ARHGAP20: variants seen among roughly 807,000 people sequenced by gnomAD.
ARHGAP20 encodes rho GTPase-activating protein 20.
A neutral mutation model predicts 73.7 loss-of-function variants in ARHGAP20; 34 were observed. The observed-to-expected ratio is 0.46, with a 90% CI of 0.35 to 0.61. The LOEUF (loss-of-function observed/expected upper bound fraction) is 0.61. Among genes scored for constraint, ARHGAP20 ranks in the 20% least tolerant of loss-of-function variants. The pLI is 0.00. For synonymous variants in ARHGAP20, 523 were observed against 518.2 expected (o/e 1.01, Z -0.13); for missense variants, 1,314 against 1,420.9 (o/e 0.92, Z 1.21).
chr11:110,625,012 TTTTTTTTATTTTTA>T (rs781124726), intron 3 of ARHGAP20, among the ~76,000 whole-genome samples: 1,794 of 135,254 alleles, frequency 0.013, 31 homozygotes, highest in African/African-American at 0.042. Context: ...AGGATTTATT[TTTTTTTTATTTTTA>T]TTTTTATTTT....
Position 110,579,093 on chromosome 11 carries a change from C to G in ARHGAP20, c.*277G>C. On this transcript the variant is annotated 3_prime_UTR_variant, in exon 15 of 15. Transcript: ENST00000683387. The stretch of plus-strand genomic sequence containing the variant: ...GTGCTTCCTCTGCAGAAGATGCTTT[C>G]TCTAGCCCTCTGTTAGTATCTCTAA... 9.4e-7 allele frequency: 1 copy of G among 1,062,824 alleles called. No homozygotes were observed. Among genetic ancestry groups the G allele is most frequent in the Non-Finnish European group, 1.1e-6 (1 of 876,748 alleles). The allele number at this position is 1,062,824 out of a possible 1,614,324, so 65.8% of individuals were successfully genotyped here.
chr11:110,687,118 A>G (rs1179908417), intron 2 of ARHGAP20, among the ~76,000 whole-genome samples: 7 of 149,566 alleles, frequency 4.7e-5, no homozygotes, highest in African/African-American at 1.7e-4. Context: ...ATATTTTAAG[A>G]CAGGGTCTGA....
intron 3 of ARHGAP20, among the ~76,000 whole-genome samples, chr11:110,625,037 T>TA (rs1417597586): frequency 1.5e-5 from 2 of 137,738 alleles, no homozygotes; most frequent in Non-Finnish European, 3.1e-5. Context: ...TTTTTATTTT[T>TA]TTTTTTTTTT....
At chr11:110,686,648 A>ATTC in intron 2 of ARHGAP20, among the ~76,000 whole-genome samples, 1 of 152,158 alleles carries the variant, frequency 6.6e-6, no homozygotes, top group African/African-American at 2.4e-5. Context: ...AATCCTATAG[A>ATTC]TAACAGTATT....
intron 9 of ARHGAP20, among the ~76,000 whole-genome samples, chr11:110,592,733 C>T (rs749503924): frequency 8.6e-5 from 13 of 152,040 alleles, no homozygotes; most frequent in South Asian, 2.1e-4. Flanking sequence ...TTAAGATGTT[C>T]GTTAGAAATA....
chr11:110,593,292 G>C (rs1229667289), intron 9 of ARHGAP20, among the ~76,000 whole-genome samples: 1 of 152,194 alleles, frequency 6.6e-6, no homozygotes, highest in East Asian at 1.9e-4. Flanking sequence ...GGTGTCATTT[G>C]TGTCTAATTT....
At chr11:110,659,731 A>T (rs1949556324) in intron 2 of ARHGAP20, among the ~76,000 whole-genome samples, 1 of 152,136 alleles carries the variant, frequency 6.6e-6, no homozygotes, top group Non-Finnish European at 1.5e-5. Flanking sequence ...GCCATAAAAA[A>T]TGATGAGTTC....
chr11:110,645,889 TCTTA>T (rs778541292), intron 2 of ARHGAP20, among the ~76,000 whole-genome samples: 3 of 152,102 alleles, frequency 2.0e-5, no homozygotes, highest in Non-Finnish European at 4.4e-5. Flanking sequence ...TACTCCACAT[TCTTA>T]CTTACAAGTG....
chr11:110,682,781 T>A (rs576383096), intron 2 of ARHGAP20, among the ~76,000 whole-genome samples: 1 of 152,258 alleles, frequency 6.6e-6, no homozygotes, highest in East Asian at 1.9e-4. Flanking sequence ...ATTCTAAGCA[T>A]TTTTACTTAT....
chr11:110,583,720 G>A lies in ARHGAP20; in HGVS notation c.1433C>T (p.Pro478Leu). The A allele has an allele frequency of 2.5e-6, 4 of 1,581,970 alleles. No homozygotes were observed. The highest frequency in any genetic ancestry group is 3.5e-6 in the Non-Finnish European group (4 of 1,159,068). ...NTVQRLLDQL[P>L]RANVVLLRYL... ...CCTTAGGAGAACAACATTGGCTCTC[G>A]GAAGCTGGTCTAATAGCCTAAAGAC... Residue 478 changes from proline (P) to leucine (L), a missense_variant, in exon 13 of 15, where the codon CCG (proline) becomes CTG (leucine). By Grantham distance (98) the Pro-to-Leu change is moderately conservative. Coordinates refer to ENST00000683387, the MANE Select transcript of ARHGAP20 (RefSeq NM_001384657.1).
At position 110,643,645 on chromosome 11, in the gene ARHGAP20, T is replaced by A. The variant is rs185554305; in HGVS notation, c.189-12853A>T. 1.1e-4 allele frequency among the ~76,000 whole-genome samples: 16 copies of A among 148,058 alleles called. No homozygotes were observed. The East Asian group carries it at 2.9e-3, about 27-fold the overall frequency. On this transcript the variant is annotated intron_variant, in intron 2 of 14. Transcript: ENST00000683387. Reference sequence around the variant, plus strand: ...GGTCTAAGAGTATGCTTTGTATGATTTTTTTTTAGTTGATTGAGATTTGCT... The same window carrying A: ...GGTCTAAGAGTATGCTTTGTATGATATTTTTTTAGTTGATTGAGATTTGCT...
chr11:110,617,040 A>G (rs958915839), intron 4 of ARHGAP20, among the ~76,000 whole-genome samples: 5 of 152,184 alleles, frequency 3.3e-5, no homozygotes, highest in Admixed American at 2.6e-4. Flanking sequence ...GAAATAGAAA[A>G]TCACCTTGGA....
intron 9 of ARHGAP20, among the ~76,000 whole-genome samples, chr11:110,603,628 G>A (rs973287895): frequency 6.6e-6 from 1 of 152,132 alleles, no homozygotes; most frequent in African/African-American, 2.4e-5. Context: ...CTCGATGCAA[G>A]AGCAAAGGCG....
Position 110,654,258 on chromosome 11 carries a change from C to T in ARHGAP20, c.189-23466G>A, listed in dbSNP as rs377637261. ...TCAAAAATATTTGCTGAACTGAAGT[C>T]CAAACTGAACTGAAGGAAATCAAGA... On this transcript the variant is annotated intron_variant, in intron 2 of 14. Coordinates refer to ENST00000683387, the MANE Select transcript of ARHGAP20 (RefSeq NM_001384657.1). Among the ~76,000 whole-genome samples, 28 of 152,188 alleles carry T rather than the reference C, an allele frequency of 1.8e-4. No individual in the cohort carries two copies. The South Asian group carries it at 5.8e-3, about 32-fold the overall frequency.
chr11:110,711,627 A>G (rs763756743), intron 1 of ARHGAP20: 394 of 1,485,998 alleles, frequency 2.7e-4, no homozygotes, highest in Non-Finnish European at 3.1e-4. Context: ...GAGGGGGCCG[A>G]GCCCACCAGC....
chr11:110,606,659 T>C lies in ARHGAP20; in HGVS notation c.866A>G (p.Asn289Ser), dbSNP rs1373279720. The change falls in exon 9 of 15, where the codon AAC becomes AGC. Residue 289 changes from asparagine (N) to serine (S), a missense_variant. Around this residue, in one of 3 missense-constraint regions of ARHGAP20, gnomAD observed 443 missense variants for 466.4 expected, o/e 0.95. Transcript: ENST00000683387. The stretch of plus-strand genomic sequence containing the variant: ...TTCCATAAGGAAGGGCTCCTGGAGG[T>C]TGAAAGGGGTGGTAGAGTCCTTTGA... ...PGSKDSTTPF[N>S]LQEPFLMEQL... The C allele has an allele frequency of 6.2e-7, 1 of 1,609,972 alleles. No individual in the cohort carries two copies. Among genetic ancestry groups the C allele is most frequent in the Non-Finnish European group, 8.5e-7 (1 of 1,178,916 alleles).
At position 110,594,822 on chromosome 11, in the gene ARHGAP20, C is replaced by A. The variant is rs1947913448; in HGVS notation, c.965-2667G>T. On this transcript the variant is annotated intron_variant, in intron 9 of 14. Coordinates refer to ENST00000683387, the MANE Select transcript of ARHGAP20 (RefSeq NM_001384657.1). ...GCATCATCCTGATACCAAAGCCTGG[C>A]AGAGACACAACAAAAAAAAAAAGAG... is the stretch of plus-strand genomic sequence containing the variant. 2.9e-5 allele frequency among the ~76,000 whole-genome samples: 4 copies of A among 136,290 alleles called. No homozygotes were observed. The South Asian group carries it at 9.0e-4, about 31-fold the overall frequency. The allele number at this position is 136,290 out of a possible 152,430, so 89.4% of individuals were successfully genotyped here.
intron 2 of ARHGAP20, among the ~76,000 whole-genome samples, chr11:110,666,457 A>G (rs979252668): frequency 3.9e-5 from 6 of 152,224 alleles, no homozygotes; most frequent in African/African-American, 1.4e-4. Context: ...ACATATTTTA[A>G]AGTTACTATA....
At chr11:110,645,979 G>C (rs1038384140) in intron 2 of ARHGAP20, among the ~76,000 whole-genome samples, 5 of 151,970 alleles carry the variant, frequency 3.3e-5, no homozygotes, top group Admixed American at 6.6e-5. Flanking sequence ...GGGGGAGAGA[G>C]GTAGGGGGCC....
Sources: allele counts gnomAD v4.1 joint callset (sites outside exome capture counted in the v4.1 genomes callset), GRCh38; gene constraint gnomAD v4.1.1; regional missense constraint gnomAD v4.1.1; transcripts MANE v1.5; gene names NCBI Gene and HGNC (gene_info 2026-07-23, HGNC 2026-07-21).